Variants in KIF13B observed in about 807,000 individuals in gnomAD.
The protein encoded by KIF13B is kinesin-like protein KIF13B.
A neutral mutation model predicts 222.0 loss-of-function variants in KIF13B; 127 were observed. That is an observed-to-expected ratio of 0.57 (90% CI 0.50 to 0.66). The LOEUF is 0.66. KIF13B is among the 30% of genes least tolerant of loss of function. The pLI is 0.00. For missense variants in KIF13B, 2,173 were observed against 2,379.0 expected (o/e 0.91, Z 1.80); for synonymous variants, 976 against 919.0 (o/e 1.06, Z -1.12).
In KIF13B at chr8:29,099,204, G is replaced by A. The variant is rs1354771377; in HGVS notation, c.4253C>T (p.Thr1418Ile). ...WESQQDVSQT[T>I]VSRGIAPAPA... ...GGCAGGAGCTATTCCTCTGGAAACT[G>A]TGGTTTGGGATACATCCTGCTGACT... The change falls in exon 36 of 40, where the codon ACA becomes ATA. Residue 1418 changes from threonine to isoleucine, a missense_variant. Around this residue, in one of 2 missense-constraint regions of KIF13B, gnomAD observed 693 missense variants for 656.2 expected, o/e 1.06. Coordinates refer to ENST00000524189, the MANE Select transcript of KIF13B (RefSeq NM_015254.4). 1 of 1,613,572 alleles carries A rather than the reference G, an allele frequency of 6.2e-7. No homozygotes were observed. Among genetic ancestry groups the A allele is most frequent in the Non-Finnish European group, 8.5e-7 (1 of 1,179,752 alleles).
intron 35 of KIF13B, among the ~76,000 whole-genome samples, chr8:29,100,691 C>G (rs900271006): frequency 2.0e-5 from 3 of 152,158 alleles, no homozygotes; most frequent in Admixed American, 1.3e-4. Flanking sequence ...CTCAGGTGAT[C>G]CGCCCGCCTC....
intron 2 of KIF13B, among the ~76,000 whole-genome samples, chr8:29,198,522 C>T (rs1252788579): frequency 6.6e-6 from 1 of 152,146 alleles, no homozygotes; most frequent in Non-Finnish European, 1.5e-5. Context: ...GGGGTTTCAC[C>T]ATGTTGGCCA....
intron 2 of KIF13B, among the ~76,000 whole-genome samples, chr8:29,228,017 A>G (rs1815102383): frequency 6.6e-6 from 1 of 151,622 alleles, no homozygotes; most frequent in East Asian, 1.9e-4. Context: ...TTCCTGATCA[A>G]CACTGGAAAT....
chr8:29,095,692 G>A (rs1305695712), intron 36 of KIF13B, among the ~76,000 whole-genome samples: 3 of 152,158 alleles, frequency 2.0e-5, no homozygotes, highest in African/African-American at 7.2e-5. Flanking sequence ...ACTTAAACCC[G>A]GGAGGCAGAG....
intron 1 of KIF13B, among the ~76,000 whole-genome samples, chr8:29,246,385 A>G (rs1380509860): frequency 6.6e-6 from 1 of 152,078 alleles, no homozygotes; most frequent in African/African-American, 2.4e-5. Context: ...CTCGGGGGAA[A>G]AGAAGAAAAG....
chr8:29,123,523 A>C, intron 27 of KIF13B, 31 bp from the exon 28 acceptor site: 3 of 1,612,016 alleles, frequency 1.9e-6, no homozygotes, highest in Non-Finnish European at 2.5e-6. Flanking sequence ...ATTCAATGAC[A>C]AAACTTCACT....
intron 38 of KIF13B, 144 bp from the exon 39 acceptor site, chr8:29,072,460 A>G (rs902957501): frequency 6.6e-6 from 3 of 456,684 alleles, no homozygotes; most frequent in Admixed American, 8.8e-5. Context: ...GCAAGACGGA[A>G]GATCGCTTGA....
rs1197338684 is a variant in KIF13B at position 29,245,268 on chromosome 8, A to C, written c.149+78T>G. 2.2e-5 allele frequency: 21 copies of C among 956,574 alleles called. No homozygotes were observed. In the Admixed American group the frequency reaches 4.4e-4, roughly 20 times the overall value. 59.3% of individuals were successfully genotyped at this position (956,574 alleles called of 1,614,324 possible). A position where few individuals can be genotyped will look rare whatever the true frequency, so the allele number is the denominator to read the frequency against. On this transcript the variant is annotated intron_variant, in intron 2 of 39. Transcript: ENST00000524189. Reference sequence around the variant, plus strand: ...AGGGTAGGCATTCGATATCTATTCAATGCAACTTAATTCAGCAGCCACAGT... The same window carrying C: ...AGGGTAGGCATTCGATATCTATTCACTGCAACTTAATTCAGCAGCCACAGT...
chr8:29,168,961 G>C (rs1245573877), intron 10 of KIF13B, among the ~76,000 whole-genome samples: 1 of 152,120 alleles, frequency 6.6e-6, no homozygotes, highest in African/African-American at 2.4e-5. Flanking sequence ...CAAAAAGATT[G>C]AATATACTCT....
Position 29,262,996 on chromosome 8 carries a change from T to A in KIF13B, c.39A>T (p.Arg13=). ...DSKVKVAVRI[R]PMNRRETDLH... Reference sequence around the variant, plus strand: ...GGCTCTCACCTCGCCGGTTCATGGGTCGTATCCGCACCGCCACTTTCACTT... The same window carrying A: ...GGCTCTCACCTCGCCGGTTCATGGGACGTATCCGCACCGCCACTTTCACTT... Residue 13 remains arginine, a synonymous_variant, in exon 1 of 40, where the codon CGA becomes CGT. Coordinates refer to ENST00000524189, the MANE Select transcript of KIF13B (RefSeq NM_015254.4). 6.3e-7 allele frequency: 1 copy of A among 1,596,508 alleles called. No homozygotes were observed. Among genetic ancestry groups the A allele is most frequent in the Non-Finnish European group, 8.5e-7 (1 of 1,172,770 alleles).
chr8:29,259,229 T>C (rs1279580327), intron 1 of KIF13B, among the ~76,000 whole-genome samples: 1 of 152,174 alleles, frequency 6.6e-6, no homozygotes, highest in Non-Finnish European at 1.5e-5. Context: ...GACTCTACAT[T>C]GACTCTATTA....
chr8:29,188,960 T>C (rs1813061260), intron 4 of KIF13B, among the ~76,000 whole-genome samples: 1 of 152,192 alleles, frequency 6.6e-6, no homozygotes, highest in African/African-American at 2.4e-5. Flanking sequence ...ACTCAGGCAA[T>C]GCTTTTATTC....
chr8:29,144,987 A>T (rs528399706), intron 18 of KIF13B, among the ~76,000 whole-genome samples: 1 of 152,246 alleles, frequency 6.6e-6, no homozygotes, highest in African/African-American at 2.4e-5. Context: ...CTGGGGAAAA[A>T]TCTTTCAGGT....
chr8:29,169,010 G>T (rs1451787383), intron 10 of KIF13B, among the ~76,000 whole-genome samples: 1 of 152,212 alleles, frequency 6.6e-6, no homozygotes, highest in African/African-American at 2.4e-5. Flanking sequence ...AGACTCTCAA[G>T]ATTAGAGGGA....
intron 2 of KIF13B, among the ~76,000 whole-genome samples, chr8:29,204,124 C>T (rs1053479960): frequency 6.6e-6 from 1 of 152,024 alleles, no homozygotes; most frequent in African/African-American, 2.4e-5. Flanking sequence ...GTTTGACAAC[C>T]CCATTCTATT....
chr8:29,193,378 G>A (rs1299199707), intron 3 of KIF13B, among the ~76,000 whole-genome samples: 1 of 126,608 alleles, frequency 7.9e-6, no homozygotes, highest in Non-Finnish European at 1.9e-5. Flanking sequence ...CATCAAACTG[G>A]GGGGAGCTGC....
At chr8:29,095,236 T>G (rs1677709899) in intron 36 of KIF13B, among the ~76,000 whole-genome samples, 2 of 152,268 alleles carry the variant, frequency 1.3e-5, no homozygotes, top group Non-Finnish European at 1.5e-5. Flanking sequence ...CTTCTGAAAG[T>G]AGGTGAACCA....
chr8:29,194,979 C>T (rs1371502151), intron 3 of KIF13B, among the ~76,000 whole-genome samples: 1 of 152,126 alleles, frequency 6.6e-6, no homozygotes, highest in Non-Finnish European at 1.5e-5. Context: ...TGGGCACGGT[C>T]GCTCACGCCT....
At chr8:29,159,588 C>G (rs1026943569) in intron 13 of KIF13B, among the ~76,000 whole-genome samples, 1 of 152,276 alleles carries the variant, frequency 6.6e-6, no homozygotes, top group African/African-American at 2.4e-5. Flanking sequence ...ATCTCCAACC[C>G]TCACAGGAAC....
Sources: gnomAD v4.1 joint callset for allele counts (sites outside exome capture counted in the v4.1 genomes callset) on GRCh38, gnomAD v4.1.1 for gene constraint, gnomAD v4.1.1 regional missense constraint, MANE v1.5 for transcripts, NCBI Gene and HGNC (gene_info 2026-07-23, HGNC 2026-07-21) for gene names.